The following LSAMP variants were observed in gnomAD, a reference collection of about 807,000 sequenced individuals.
LSAMP encodes the protein limbic system associated membrane protein.
Under a neutral mutation model 38.6 loss-of-function variants are expected in LSAMP, and 7 were observed. The observed-to-expected ratio is 0.18, with a 90% CI of 0.10 to 0.34. LSAMP has a LOEUF of 0.34. LSAMP is among the 10% of genes least tolerant of loss of function. The pLI, the probability that LSAMP is intolerant of heterozygous loss-of-function variation, is 1.00. For synonymous variants in LSAMP, 154 were observed against 166.8 expected (o/e 0.92, Z 0.59); for missense variants, 313 against 420.0 (o/e 0.75, Z 2.23).
chr3:116,035,723 G>T (rs1941031562), intron 2 of LSAMP, among the ~76,000 whole-genome samples: 1 of 152,042 alleles, frequency 6.6e-6, no homozygotes, highest in South Asian at 2.1e-4. Context: ...TAGTCCATCT[G>T]CTTCCTGGAA....
intron 1 of LSAMP, among the ~76,000 whole-genome samples, chr3:116,145,674 A>G (rs1005456696): frequency 2.0e-5 from 3 of 152,144 alleles, no homozygotes; most frequent in Admixed American, 1.3e-4. Context: ...AGCCAAATAG[A>G]CACCATAAAT....
intron 6 of LSAMP, among the ~76,000 whole-genome samples, chr3:115,839,266 C>T (rs397834803): frequency 0.022 from 945 of 43,108 alleles, 9 homozygotes; most frequent in Middle Eastern, 0.031. Context: ...TCTTTCTTTC[C>T]TTCCTTCCTT....
At chr3:116,359,980 G>A (rs556429411) in intron 1 of LSAMP, 25 of 152,760 alleles carry the variant, frequency 1.6e-4, no homozygotes, top group African/African-American at 6.0e-4. Flanking sequence ...TGACAAATGG[G>A]ATCTAATTAA....
At chr3:116,404,985 G>T (rs2048882749) in intron 1 of LSAMP, among the ~76,000 whole-genome samples, 5 of 152,044 alleles carry the variant, frequency 3.3e-5, no homozygotes, top group Admixed American at 3.3e-4. Flanking sequence ...TTATTGAAAA[G>T]GGGCAACTCA....
intron 1 of LSAMP, among the ~76,000 whole-genome samples, chr3:116,378,579 A>G (rs2048520086): frequency 6.6e-6 from 1 of 152,106 alleles, no homozygotes; most frequent in Non-Finnish European, 1.5e-5. Flanking sequence ...AATTATTTCA[A>G]CAAGTATTAT....
intron 1 of LSAMP, among the ~76,000 whole-genome samples, chr3:116,333,769 T>C (rs998496482): frequency 3.3e-5 from 5 of 151,782 alleles, no homozygotes; most frequent in African/African-American, 1.2e-4. Flanking sequence ...TTGAAAGTGC[T>C]GAGAAAATTT....
At chr3:115,949,583 A>G (rs1003076041) in intron 3 of LSAMP, among the ~76,000 whole-genome samples, 1 of 152,060 alleles carries the variant, frequency 6.6e-6, no homozygotes, top group Non-Finnish European at 1.5e-5. Context: ...TGAAACACTA[A>G]TAAAAAAAAT....
intron 1 of LSAMP, among the ~76,000 whole-genome samples, chr3:116,416,293 CTGG>C (rs1559860597): frequency 6.6e-6 from 1 of 152,052 alleles, no homozygotes; most frequent in East Asian, 1.9e-4. Flanking sequence ...TGTACCAGAA[CTGG>C]AAAAGGAGTA....
At chr3:116,019,425 T>C in intron 3 of LSAMP, 90 bp downstream of exon 3, 6 of 1,445,978 alleles carry the variant, frequency 4.1e-6, no homozygotes, top group Non-Finnish European at 4.8e-6. Context: ...GATTCTGAAT[T>C]GAATTGAAAT....
intron 1 of LSAMP, among the ~76,000 whole-genome samples, chr3:116,132,092 T>C (rs895892238): frequency 1.3e-5 from 2 of 152,110 alleles, no homozygotes; most frequent in African/African-American, 4.8e-5. Context: ...CCTCCCAAAG[T>C]GCTGGGATTA....
intron 1 of LSAMP, among the ~76,000 whole-genome samples, chr3:116,399,633 T>C (rs1399722750): frequency 6.6e-6 from 1 of 152,172 alleles, no homozygotes; most frequent in African/African-American, 2.4e-5. Context: ...TGGGGGCAGT[T>C]AGTGATAAAA....
chr3:116,296,348 A>G (rs2047332916), intron 1 of LSAMP, among the ~76,000 whole-genome samples: 2 of 152,070 alleles, frequency 1.3e-5, no homozygotes, highest in Admixed American at 6.5e-5. Flanking sequence ...CCACAGCAAT[A>G]TTTGCTTTGT....
Position 115,948,144 on chromosome 3 carries a change from G to A in LSAMP, c.514+71371C>T, listed in dbSNP as rs35847743. 2.8e-3 allele frequency among the ~76,000 whole-genome samples: 420 copies of A among 152,246 alleles called. 2 individuals carry two copies. The highest frequency in any genetic ancestry group is 3.8e-3 in the Non-Finnish European group (260 of 68,018). ...TCTAAATAATATACATGCCCTAGTC[G>A]AAATGATGTGAATTTCCAGATACAC... On this transcript the variant is annotated intron_variant, in intron 3 of 6. Transcript: ENST00000490035.
chr3:115,803,423 T>C lies in LSAMP; in HGVS notation c.*6894A>G, dbSNP rs181032134. 6.6e-6 allele frequency: 1 copy of C among 152,308 alleles called. No homozygotes were observed. The highest frequency in any genetic ancestry group is 6.5e-5 in the Admixed American group (1 of 15,300). The allele number at this position is 152,308 out of a possible 1,614,324, so 9.4% of individuals were successfully genotyped here. On this transcript the variant is annotated 3_prime_UTR_variant, in exon 7 of 7. Coordinates refer to ENST00000490035, the MANE Select transcript of LSAMP (RefSeq NM_002338.5). ...TGCTAACCTGAGCCTCTAGGACAGC[T>C]TAGGACAAGAGGATCTGTGCTCAAT...
At chr3:116,133,290 G>GT (rs1362670374) in intron 1 of LSAMP, among the ~76,000 whole-genome samples, 1 of 150,076 alleles carries the variant, frequency 6.7e-6, no homozygotes, top group Non-Finnish European at 1.5e-5. Flanking sequence ...GTTTTGCTTT[G>GT]TTTTTGTTTT....
At chr3:116,330,234 G>A (rs560856105) in intron 1 of LSAMP, among the ~76,000 whole-genome samples, 1 of 152,212 alleles carries the variant, frequency 6.6e-6, no homozygotes, top group Admixed American at 6.5e-5. Context: ...GGGAAGGCTT[G>A]GACAGTAAAG....
intron 1 of LSAMP, among the ~76,000 whole-genome samples, chr3:116,099,544 T>C (rs1341181050): frequency 6.6e-6 from 1 of 152,220 alleles, no homozygotes; most frequent in African/African-American, 2.4e-5. Flanking sequence ...AGGAATTATA[T>C]TGACTAATTA....
chr3:116,112,068 G>A (rs1392660985), intron 1 of LSAMP, among the ~76,000 whole-genome samples: 2 of 152,244 alleles, frequency 1.3e-5, no homozygotes, highest in Admixed American at 1.3e-4. Context: ...TGTTCTTGAT[G>A]AGGCCTGCTT....
At chr3:115,874,282 T>A (rs185407727) in intron 3 of LSAMP, among the ~76,000 whole-genome samples, 1 of 152,136 alleles carries the variant, frequency 6.6e-6, no homozygotes, top group African/African-American at 2.4e-5. Context: ...CCAGCTCCAA[T>A]GCCCTCTCCT....
Sources: allele counts gnomAD v4.1 joint callset (sites outside exome capture counted in the v4.1 genomes callset), GRCh38; gene constraint gnomAD v4.1.1; transcripts MANE v1.5; gene names NCBI Gene and HGNC (gene_info 2026-07-23, HGNC 2026-07-21).